PIK3R6: variants seen among roughly 807,000 people sequenced by gnomAD.
PIK3R6 encodes phosphoinositide 3-kinase regulatory subunit 6.
PIK3R6 carries 91 observed loss-of-function variants against 84.9 expected under a neutral mutation model. The ratio of observed to expected loss-of-function variants is 1.07; its 90% CI spans 0.90 to 1.28. PIK3R6 has a LOEUF of 1.28. PIK3R6 is among the 50% of genes most tolerant of loss of function. The probability of loss-of-function intolerance (pLI) is 0.00; values close to 1 mark genes in which losing one functional copy is unlikely to be tolerated. For missense variants in PIK3R6, 996 were observed against 985.1 expected (o/e 1.01, Z -0.15); for synonymous variants, 416 against 411.4 (o/e 1.01, Z -0.13).
chr17:8,846,478 T>C (rs1179205343), intron 2 of PIK3R6, among the ~76,000 whole-genome samples: 1 of 152,186 alleles, frequency 6.6e-6, no homozygotes, highest in African/African-American at 2.4e-5. Context: ...TTAGAATAGT[T>C]TTTTTCTAGT....
intron 9 of PIK3R6, among the ~76,000 whole-genome samples, chr17:8,832,647 G>A (rs968331066): frequency 1.3e-5 from 2 of 150,738 alleles, no homozygotes; most frequent in East Asian, 2.0e-4. Context: ...CAGGTGATCC[G>A]CCTGCCTCGG....
intron 18 of PIK3R6, among the ~76,000 whole-genome samples, chr17:8,806,496 G>T (rs2087211229): frequency 6.6e-6 from 1 of 152,168 alleles, no homozygotes; most frequent in Admixed American, 6.5e-5. Flanking sequence ...TGCACACCTA[G>T]ACACACTCTA....
chr17:8,807,296 C>G (rs191694608), intron 18 of PIK3R6, among the ~76,000 whole-genome samples: 74 of 152,320 alleles, frequency 4.9e-4, no homozygotes, highest in Non-Finnish European at 1.0e-3. Context: ...GATGACTCAA[C>G]AAACATCCGG....
chr17:8,836,079 AG>A (rs1189603835), intron 7 of PIK3R6, among the ~76,000 whole-genome samples: 1 of 152,210 alleles, frequency 6.6e-6, no homozygotes, highest in East Asian at 1.9e-4. Context: ...CAACACGAGC[AG>A]GGGACACTTC....
rs1245698217 is a variant in PIK3R6 at position 8,829,577 on chromosome 17, GAC to G, written c.889+127_889+128del. The G allele has an allele frequency of 1.1e-4, 102 of 916,578 alleles. No individual in the cohort carries two copies. In the Admixed American group the frequency reaches 1.8e-3, roughly 16 times the overall value. The allele number at this position is 916,578 out of a possible 1,614,324, so 56.8% of individuals were successfully genotyped here. On this transcript the variant is annotated intron_variant, in intron 10 of 19. Coordinates refer to ENST00000619866, the MANE Select transcript of PIK3R6 (RefSeq NM_001010855.4). ...ACACTCATGCACACATACACACACAGACACACTGACACACACTCATGCATACA... is the reference window on the plus strand; with the variant it reads ...ACACTCATGCACACATACACACACAGACACTGACACACACTCATGCATACA...
At chr17:8,810,778 T>A (rs2087334677) in intron 18 of PIK3R6, among the ~76,000 whole-genome samples, 1 of 148,828 alleles carries the variant, frequency 6.7e-6, no homozygotes, top group Non-Finnish European at 1.5e-5. Flanking sequence ...TGGGTTCCCA[T>A]GGTCTTGGAC....
intron 1 of PIK3R6, among the ~76,000 whole-genome samples, chr17:8,867,172 G>C (rs1282898127): frequency 6.6e-6 from 1 of 152,170 alleles, no homozygotes; most frequent in Non-Finnish European, 1.5e-5. Flanking sequence ...CTAAATGCTG[G>C]TGAGAATCAA....
Position 8,836,546 on chromosome 17 carries a change from C to T in PIK3R6, c.461+1G>A, listed in dbSNP as rs767167047. 6.2e-7 allele frequency: 1 copy of T among 1,613,978 alleles called. No individual in the cohort carries two copies. The highest frequency in any genetic ancestry group is 1.6e-4 in the Middle Eastern group (1 of 6,062). On this transcript the variant is annotated splice_donor_variant, in intron 7 of 19. Coordinates refer to ENST00000619866, the MANE Select transcript of PIK3R6 (RefSeq NM_001010855.4). LOFTEE classifies it high-confidence loss of function. ...GTAGCAATTTTTCTGGGGCCACTCA[C>T]CTCTCCTGGTAGGGATACAGCTCAT...
intron 8 of PIK3R6, 101 bp from the exon 9 acceptor site, chr17:8,833,146 T>A (rs1319936220): frequency 7.1e-7 from 1 of 1,411,932 alleles, no homozygotes; most frequent in African/African-American, 1.4e-5. Flanking sequence ...AGGTGACACC[T>A]CTCCGCTGCC....
chr17:8,849,554 T>G (rs1001963310), intron 2 of PIK3R6, among the ~76,000 whole-genome samples: 1 of 152,248 alleles, frequency 6.6e-6, no homozygotes, highest in African/African-American at 2.4e-5. Flanking sequence ...TTGTCATTAT[T>G]CCCATTGTCA....
intron 12 of PIK3R6, among the ~76,000 whole-genome samples, chr17:8,827,742 G>GGAGAGA (rs150830895): frequency 1.1e-5 from 1 of 90,908 alleles, no homozygotes; most frequent in Non-Finnish European, 2.2e-5. Flanking sequence ...GGAGGGAAGG[G>GGAGAGA]GAGAGAGAGA....
At chr17:8,853,397 A>G (rs995930513) in intron 1 of PIK3R6, among the ~76,000 whole-genome samples, 1 of 150,038 alleles carries the variant, frequency 6.7e-6, no homozygotes, top group Non-Finnish European at 1.5e-5. Flanking sequence ...AGGCAGGAGA[A>G]TGGTGTGAAC....
chr17:8,822,915 C>T, intron 15 of PIK3R6, 81 bp downstream of exon 15: 1 of 1,202,116 alleles, frequency 8.3e-7, no homozygotes, highest in South Asian at 1.2e-5. Context: ...GTGCAGGCAT[C>T]ATCAGGTGAG....
chr17:8,811,668 TATA>T (rs1215160766), intron 18 of PIK3R6, among the ~76,000 whole-genome samples: 2 of 145,444 alleles, frequency 1.4e-5, no homozygotes, highest in African/African-American at 5.4e-5. Flanking sequence ...TTTGCTAAAA[TATA>T]AGAGTCACCT....
At position 8,803,418 on chromosome 17, in the gene PIK3R6, G is replaced by T. The variant is rs75767066; in HGVS notation, c.2120C>A (p.Ala707Asp). The change falls in exon 20 of 20, where the codon GCT becomes GAT. Residue 707 changes from alanine to aspartate, a missense_variant. By Grantham distance (126) the Ala-to-Asp change is moderately radical. Coordinates refer to ENST00000619866, the MANE Select transcript of PIK3R6 (RefSeq NM_001010855.4). The surrounding 1 kb of genome is among the most constrained non-coding windows in gnomAD (Gnocchi z 5.0). ...TFRDVVRFEV[A>D]PCPEPCSGAQ... ...CCCAGAACATGGTTCTGGGCAGGGA[G>T]CAACCTCGAATCTGTGGGTGGAGAG... The T allele has an allele frequency of 1.1e-3, 1,796 of 1,605,612 alleles. 40 individuals carry two copies. In the East Asian group the frequency reaches 0.036, roughly 32 times the overall value.
intron 13 of PIK3R6, among the ~76,000 whole-genome samples, chr17:8,826,545 CAT>C (rs1281981006): frequency 6.6e-6 from 1 of 152,144 alleles, no homozygotes; most frequent in African/African-American, 2.4e-5. Flanking sequence ...CCAAACACCA[CAT>C]GTTCTCACTC....
At chr17:8,832,375 CTTTT>C (rs759188865) in intron 9 of PIK3R6, among the ~76,000 whole-genome samples, 1 of 77,796 alleles carries the variant, frequency 1.3e-5, no homozygotes, top group Non-Finnish European at 2.3e-5. Flanking sequence ...TACCCACCTT[CTTTT>C]TTTTTTTTTT....
chr17:8,821,333 T>C (rs1236394734), intron 17 of PIK3R6, among the ~76,000 whole-genome samples: 2 of 152,162 alleles, frequency 1.3e-5, no homozygotes, highest in Non-Finnish European at 2.9e-5. Flanking sequence ...ATACTAATAG[T>C]ATCTATTTTC....
chr17:8,816,349 T>C (rs968494573), intron 18 of PIK3R6, among the ~76,000 whole-genome samples: 2 of 152,314 alleles, frequency 1.3e-5, no homozygotes, highest in South Asian at 2.1e-4. Context: ...TAAGAGAGCA[T>C]TGTCCATAGT....
Sources: gnomAD v4.1 joint callset for allele counts (sites outside exome capture counted in the v4.1 genomes callset) on GRCh38, gnomAD v4.1.1 for gene constraint, Gnocchi (gnomAD v3.1) non-coding constraint, MANE v1.5 for transcripts, NCBI Gene and HGNC (gene_info 2026-07-23, HGNC 2026-07-21) for gene names.